The following PITPNA variants were observed in gnomAD, a reference collection of about 807,000 sequenced individuals.
PITPNA encodes the protein phosphatidylinositol transfer protein alpha.
In PITPNA, 13 loss-of-function variants were observed where a neutral mutation model predicts 50.3. The observed-to-expected ratio is 0.26, with a 90% confidence interval of 0.17 to 0.41. PITPNA has a LOEUF of 0.41. Among genes scored for constraint, PITPNA ranks in the 10% least tolerant of loss-of-function variants. PITPNA has a pLI of 1.00. For synonymous variants in PITPNA, 120 were observed against 119.6 expected (o/e 1.00, Z -0.02); for missense variants, 207 against 333.4 (o/e 0.62, Z 2.95).
At chr17:1,528,482 C>T (rs2075560867) in intron 10 of PITPNA, among the ~76,000 whole-genome samples, 1 of 152,126 alleles carries the variant, frequency 6.6e-6, no homozygotes, top group Non-Finnish European at 1.5e-5. Flanking sequence ...TATAGTGGCT[C>T]ATGATGGTAA....
intron 10 of PITPNA, among the ~76,000 whole-genome samples, chr17:1,524,416 T>A (rs1359528844): frequency 6.8e-6 from 1 of 147,730 alleles, no homozygotes; most frequent in Non-Finnish European, 1.5e-5. Context: ...GCGATCACCA[T>A]GCAAGGCTAA....
chr17:1,535,162 G>T lies in PITPNA; in HGVS notation c.645+20C>A. On this transcript the variant is annotated intron_variant, in intron 9 of 11. Transcript: ENST00000313486. ...ACACACACACGCAGTCACTGGGAAG[G>T]CCTCAGCCGAGCTACTTACCTTATG... is the stretch of plus-strand genomic sequence containing the variant. The T allele has an allele frequency of 6.9e-7, 1 of 1,459,380 alleles. No individual in the cohort carries two copies. Among genetic ancestry groups the T allele is most frequent in the Non-Finnish European group, 9.6e-7 (1 of 1,039,534 alleles). The allele number at this position is 1,459,380 out of a possible 1,614,324, so 90.4% of individuals were successfully genotyped here.
At chr17:1,532,386 C>T (rs746727026) in intron 10 of PITPNA, among the ~76,000 whole-genome samples, 2 of 151,368 alleles carry the variant, frequency 1.3e-5, no homozygotes, top group Non-Finnish European at 2.9e-5. Context: ...CGTGCCTGGC[C>T]GAGAAAGATT....
chr17:1,532,994 G>A (rs1362515153), intron 10 of PITPNA, among the ~76,000 whole-genome samples: 1 of 152,246 alleles, frequency 6.6e-6, no homozygotes, highest in African/African-American at 2.4e-5. Context: ...CCCTAGACCA[G>A]CATGGTGAAG....
At chr17:1,530,680 C>T (rs2075576158) in intron 10 of PITPNA, among the ~76,000 whole-genome samples, 1 of 152,114 alleles carries the variant, frequency 6.6e-6, no homozygotes, top group Admixed American at 6.5e-5. Flanking sequence ...ATTCCTCCCC[C>T]AAACCCTATG....
intron 7 of PITPNA, among the ~76,000 whole-genome samples, chr17:1,536,255 A>G (rs1194004545): frequency 6.6e-6 from 1 of 151,660 alleles, no homozygotes; most frequent in East Asian, 1.9e-4. Flanking sequence ...TCTCTCTCTC[A>G]TAAAGTATTT....
chr17:1,541,799 A>G (rs2075649342), intron 5 of PITPNA, 159 bp from the exon 6 acceptor site: 1 of 707,096 alleles, frequency 1.4e-6, no homozygotes, highest in Non-Finnish European at 2.6e-6. Context: ...CCCACGACAC[A>G]CTAGGCATGT....
chr17:1,554,467 T>C lies in PITPNA; in HGVS notation c.52-1318A>G, dbSNP rs192863570. ...ATCTCAGGTCACTGCAACCTCCGCC[T>C]CCTGGGTTCAAGTGATTCTCCTGCC... On this transcript the variant is annotated intron_variant, in intron 2 of 11. Coordinates refer to ENST00000313486, the MANE Select transcript of PITPNA (RefSeq NM_006224.4). 1.1e-3 allele frequency among the ~76,000 whole-genome samples: 145 copies of C among 136,088 alleles called. 1 individual carries two copies. The highest frequency in any genetic ancestry group is 9.8e-4 in the Non-Finnish European group (63 of 64,612). The allele number at this position is 136,088 out of a possible 152,430, so 89.3% of individuals were successfully genotyped here. A position where few individuals can be genotyped will look rare whatever the true frequency, so the allele number is the denominator to read the frequency against.
In PITPNA at chr17:1,557,732, G is replaced by A. The variant is rs370474417; in HGVS notation, c.51+797C>T. Among the ~76,000 whole-genome samples, 6 of 152,268 alleles carry A rather than the reference G, an allele frequency of 3.9e-5. No individual in the cohort carries two copies. The South Asian group carries it at 1.2e-3, about 32-fold the overall frequency. Reference sequence around the variant, plus strand: ...ACCCAGGAACCGTAAAAGGACAGAGGACAAGCCAAGCCTATGTGTTATTCC... The same window carrying A: ...ACCCAGGAACCGTAAAAGGACAGAGAACAAGCCAAGCCTATGTGTTATTCC... On this transcript the variant is annotated intron_variant, in intron 2 of 11. Transcript: ENST00000313486.
intron 10 of PITPNA, among the ~76,000 whole-genome samples, chr17:1,523,010 G>C (rs775887223): frequency 6.6e-6 from 1 of 152,132 alleles, no homozygotes; most frequent in Non-Finnish European, 1.5e-5. Context: ...GGCACAATGT[G>C]GTGTCAGAAC....
chr17:1,550,167 G>A (rs2075700712), intron 3 of PITPNA, among the ~76,000 whole-genome samples: 1 of 152,178 alleles, frequency 6.6e-6, no homozygotes, highest in Non-Finnish European at 1.5e-5. Context: ...GTCCAGGCAG[G>A]GGGACACACA....
At chr17:1,545,990 C>T (rs1272425795) in intron 4 of PITPNA, among the ~76,000 whole-genome samples, 1 of 146,766 alleles carries the variant, frequency 6.8e-6, no homozygotes, top group Non-Finnish European at 1.5e-5. Context: ...TGGAATGGCA[C>T]GATCTCGGCT....
At chr17:1,542,201 GAA>G (rs11349129) in intron 5 of PITPNA, among the ~76,000 whole-genome samples, 5 of 132,966 alleles carry the variant, frequency 3.8e-5, no homozygotes, top group Non-Finnish European at 4.9e-5. Context: ...ACTCCGTTTC[GAA>G]AAAAAAAAAA....
At chr17:1,521,036 A>G (rs565030631) in intron 11 of PITPNA, among the ~76,000 whole-genome samples, 9 of 152,182 alleles carry the variant, frequency 5.9e-5, no homozygotes, top group African/African-American at 2.2e-4. Context: ...GGGGCCCCCA[A>G]TCTGGCCCTG....
intron 10 of PITPNA, among the ~76,000 whole-genome samples, chr17:1,532,546 A>G (rs1057265786): frequency 6.6e-6 from 1 of 152,260 alleles, no homozygotes; most frequent in Non-Finnish European, 1.5e-5. Context: ...AAAGGTGGAC[A>G]GCAAATACTT....
chr17:1,531,265 T>C (rs2075581172), intron 10 of PITPNA, among the ~76,000 whole-genome samples: 1 of 151,162 alleles, frequency 6.6e-6, no homozygotes, highest in Admixed American at 6.6e-5. Context: ...GACAGGGGAG[T>C]CCTCTATAGG....
At position 1,518,238 on chromosome 17, in the gene PITPNA, GAGA is replaced by G. The variant is rs1257312723; in HGVS notation, c.*2320_*2322del. 6.6e-6 allele frequency: 1 copy of G among 152,460 alleles called. No homozygotes were observed. Among genetic ancestry groups the G allele is most frequent in the Non-Finnish European group, 1.5e-5 (1 of 68,038 alleles). 9.4% of individuals were successfully genotyped at this position (152,460 alleles called of 1,614,324 possible). Reference sequence around the variant, plus strand: ...GACCCTGTCCCGGACCTCTCTGCATGAGAAGGCCAGAGCCCAGCACCCCTCCTA... The same window carrying G: ...GACCCTGTCCCGGACCTCTCTGCATGAGGCCAGAGCCCAGCACCCCTCCTA... On this transcript the variant is annotated 3_prime_UTR_variant, in exon 12 of 12. Transcript: ENST00000313486.
chr17:1,534,281 T>A, intron 9 of PITPNA, 60 bp from the exon 10 acceptor site: 2 of 1,606,572 alleles, frequency 1.2e-6, no homozygotes, highest in Non-Finnish European at 1.7e-6. Flanking sequence ...CCACAGCCCT[T>A]CTCTCCATGC....
chr17:1,549,800 A>G (rs1235313685), intron 3 of PITPNA, among the ~76,000 whole-genome samples: 1 of 111,638 alleles, frequency 9.0e-6, no homozygotes, highest in Admixed American at 1.1e-4. Context: ...TCAGCCTCCT[A>G]AGTAGCTGGG....
Sources: gnomAD v4.1 joint callset for allele counts (sites outside exome capture counted in the v4.1 genomes callset) on GRCh38, gnomAD v4.1.1 for gene constraint, MANE v1.5 for transcripts, NCBI Gene and HGNC (gene_info 2026-07-23, HGNC 2026-07-21) for gene names.